Variants in ZZEF1 observed in about 807,000 individuals in gnomAD.
ZZEF1 encodes the protein zinc finger ZZ-type and EF-hand domain containing 1.
In ZZEF1, 157 loss-of-function variants were observed where a neutral mutation model predicts 342.8. The ratio of observed to expected loss-of-function variants is 0.46; its 90% confidence interval spans 0.40 to 0.52. ZZEF1 has a LOEUF of 0.52. Among genes scored for constraint, ZZEF1 ranks in the 20% least tolerant of loss-of-function variants. ZZEF1 has a pLI of 0.00. For missense variants in ZZEF1, 3,480 were observed against 3,725.6 expected (o/e 0.93, Z 1.72); for synonymous variants, 1,505 against 1,429.1 (o/e 1.05, Z -1.20).
intron 34 of ZZEF1, among the ~76,000 whole-genome samples, chr17:4,053,211 C>G (rs375434704): frequency 1.3e-5 from 2 of 152,336 alleles, no homozygotes; most frequent in South Asian, 2.1e-4. Context: ...TGTCTCTAGA[C>G]TATTCAAACT....
In ZZEF1 at chr17:4,021,247, T is replaced by C. The variant is rs2056261477; in HGVS notation, c.7286A>G (p.Asp2429Gly). 1.2e-6 allele frequency: 2 copies of C among 1,614,220 alleles called. No homozygotes were observed. The highest frequency in any genetic ancestry group is 1.7e-6 in the Non-Finnish European group (2 of 1,180,038). The stretch of plus-strand genomic sequence containing the variant: ...CTCTTCCTCTCGGTCCCCTCGCTCA[T>C]CCAGCTCTAGGTCTCCGTGCTCAGC... Reference protein sequence around the residue: ...ALAEHGDLELDERGDREEEVE... With the variant: ...ALAEHGDLELGERGDREEEVE... Residue 2429 changes from aspartate (D) to glycine (G), a missense_variant, in exon 45 of 55, where the codon GAT becomes GGT. Coordinates refer to ENST00000381638, the MANE Select transcript of ZZEF1 (RefSeq NM_015113.4).
chr17:4,075,503 C>T, intron 21 of ZZEF1, 74 bp from the exon 22 acceptor site: 1 of 1,534,190 alleles, frequency 6.5e-7, no homozygotes, highest in East Asian at 2.3e-5. Flanking sequence ...CAGACTGTTT[C>T]TCTATCAGTG....
chr17:4,099,543 ATTTT>A (rs35639314), intron 9 of ZZEF1, among the ~76,000 whole-genome samples: 5 of 131,918 alleles, frequency 3.8e-5, no homozygotes, highest in African/African-American at 1.1e-4. Context: ...TTTGACTGTG[ATTTT>A]TTTTTTTTTT....
In ZZEF1 at chr17:4,027,286, C is replaced by CTTTTTTTTTTTT. The variant is rs1179743466; in HGVS notation, c.6893-2180_6893-2169dup. 2.3e-3 allele frequency among the ~76,000 whole-genome samples: 158 copies of CTTTTTTTTTTTT among 67,976 alleles called. 40 individuals are homozygous for CTTTTTTTTTTTT. Among genetic ancestry groups the CTTTTTTTTTTTT allele is most frequent in the African/African-American group, 9.9e-3 (147 of 14,908 alleles). 44.6% of individuals were successfully genotyped at this position (67,976 alleles called of 152,430 possible). On this transcript the variant is annotated intron_variant, in intron 42 of 54. Transcript: ENST00000381638. The stretch of plus-strand genomic sequence containing the variant: ...GACCTACGCACCCAGCAATATCTCA[C>CTTTTTTTTTTTT]TTTTTTTTTTTTTTTTTTTTTTTTT...
Position 4,022,783 on chromosome 17 carries a change from A to G in ZZEF1, c.7138T>C (p.Leu2380=), listed in dbSNP as rs1385642391. 6 of 1,613,778 alleles carry G rather than the reference A, an allele frequency of 3.7e-6. No individual in the cohort carries two copies. Among genetic ancestry groups the G allele is most frequent in the Non-Finnish European group, 5.1e-6 (6 of 1,180,002 alleles). ...CACTTTTTCACCAGCAACTTCAGCA[A>G]ATCGGTCTGAAGGAAAGTAGCACGG... ...EIRATFLQTD[L]LKLLVKKCSK... Residue 2380 remains leucine, a synonymous_variant, in exon 44 of 55, where the codon TTG becomes CTG. Coordinates refer to ENST00000381638, the MANE Select transcript of ZZEF1 (RefSeq NM_015113.4).
chr17:4,135,474 A>T (rs1462711477), intron 1 of ZZEF1, among the ~76,000 whole-genome samples: 1 of 18,960 alleles, frequency 5.3e-5, no homozygotes, highest in Non-Finnish European at 2.7e-4. Context: ...ACTCCATCTT[A>T]AAAAAAAAAA....
Position 4,116,897 on chromosome 17 carries a change from T to C in ZZEF1, c.694+75A>G, listed in dbSNP as rs1567855818. 14 of 1,419,032 alleles carry C rather than the reference T, an allele frequency of 9.9e-6. No homozygotes were observed. The East Asian group carries it at 2.0e-4, about 20-fold the overall frequency. 87.9% of individuals were successfully genotyped at this position (1,419,032 alleles called of 1,614,324 possible). A position where few individuals can be genotyped will look rare whatever the true frequency, so the allele number is the denominator to read the frequency against. On this transcript the variant is annotated intron_variant, in intron 3 of 54. Transcript: ENST00000381638. ...TCAGAAATGAAGGCAGGGAAAAGAATTGGCTCATTTTACCAACACAACAGT... is the reference window on the plus strand; with the variant it reads ...TCAGAAATGAAGGCAGGGAAAAGAACTGGCTCATTTTACCAACACAACAGT...
At chr17:4,025,287 T>C (rs1484714285) in intron 42 of ZZEF1, among the ~76,000 whole-genome samples, 169 bp from the exon 43 acceptor site, 3 of 152,218 alleles carry the variant, frequency 2.0e-5, no homozygotes, top group Non-Finnish European at 1.5e-5. Context: ...AACACAAAAA[T>C]AGTAATGGCT....
intron 43 of ZZEF1, among the ~76,000 whole-genome samples, chr17:4,023,416 G>A (rs907334190): frequency 6.6e-6 from 1 of 152,156 alleles, no homozygotes; most frequent in African/African-American, 2.4e-5. Context: ...TTTGCTGAAT[G>A]AAGGATTCAA....
intron 24 of ZZEF1, 25 bp from the exon 25 acceptor site, chr17:4,072,781 C>G (rs781820): frequency 0.41 from 645,492 of 1,579,576 alleles, 138,414 homozygotes; most frequent in African/African-American, 0.78. Flanking sequence ...AGACATATGA[C>G]AGTTCTATTT....
intron 36 of ZZEF1, 99 bp from the exon 37 acceptor site, chr17:4,049,958 A>G (rs2057010103): frequency 7.2e-7 from 1 of 1,393,046 alleles, no homozygotes; most frequent in African/African-American, 1.5e-5. Context: ...AGAAATAAAT[A>G]AATGAGTTCT....
chr17:4,099,903 A>T (rs1159036245), intron 9 of ZZEF1, among the ~76,000 whole-genome samples: 1 of 118,080 alleles, frequency 8.5e-6, no homozygotes, highest in African/African-American at 3.1e-5. Flanking sequence ...TTGCCAATTT[A>T]TTCTTTTTAG....
At chr17:4,086,425 G>C (rs1001577833) in intron 15 of ZZEF1, 61 bp downstream of exon 15, 2 of 1,554,972 alleles carry the variant, frequency 1.3e-6, no homozygotes, top group Non-Finnish European at 1.8e-6. Flanking sequence ...CTTCTCTATA[G>C]CAAGAGGCCC....
At chr17:4,065,226 A>C (rs1051129652) in intron 28 of ZZEF1, among the ~76,000 whole-genome samples, 5 of 152,020 alleles carry the variant, frequency 3.3e-5, no homozygotes, top group African/African-American at 1.2e-4. Context: ...GTGAAACCCA[A>C]TCTCTATAAA....
At position 4,087,542 on chromosome 17, in the gene ZZEF1, A is replaced by T. The variant is rs1319202152; in HGVS notation, c.2242-8T>A. 15 of 1,599,318 alleles carry T rather than the reference A, an allele frequency of 9.4e-6. No homozygotes were observed. The highest frequency in any genetic ancestry group is 1.2e-5 in the Non-Finnish European group (14 of 1,174,810). On this transcript the variant is annotated splice_polypyrimidine_tract_variant and splice_region_variant and intron_variant, in intron 13 of 54. Transcript: ENST00000381638. ...ACTTTCCTTCTGCTGCACCTAAAAA[A>T]TTATAAAGATCAGAATAAATAAAAC...
chr17:4,009,064 C>T (rs2055876076), intron 53 of ZZEF1, 110 bp from the exon 54 acceptor site: 6 of 1,282,088 alleles, frequency 4.7e-6, no homozygotes, highest in South Asian at 2.7e-5. Flanking sequence ...CATGGGCGGA[C>T]GCTACTCACG....
At chr17:4,124,384 T>G (rs2058540106) in intron 1 of ZZEF1, among the ~76,000 whole-genome samples, 1 of 152,208 alleles carries the variant, frequency 6.6e-6, no homozygotes, top group Admixed American at 6.5e-5. Context: ...TTCAACTGGT[T>G]GCAAAGTGCC....
At chr17:4,096,785 T>A in intron 9 of ZZEF1, 85 bp from the exon 10 acceptor site, 2 of 1,089,208 alleles carry the variant, frequency 1.8e-6, no homozygotes, top group Non-Finnish European at 2.8e-6. Flanking sequence ...AACCATATCC[T>A]TTGAGTCATG....
intron 11 of ZZEF1, among the ~76,000 whole-genome samples, chr17:4,094,563 T>C (rs1453377171): frequency 6.6e-6 from 1 of 152,184 alleles, no homozygotes; most frequent in East Asian, 1.9e-4. Context: ...ATCCATTGGC[T>C]ACCGAACACC....
Sources: allele counts gnomAD v4.1 joint callset (sites outside exome capture counted in the v4.1 genomes callset), GRCh38; gene constraint gnomAD v4.1.1; transcripts MANE v1.5; gene names NCBI Gene and HGNC (gene_info 2026-07-23, HGNC 2026-07-21).